The following RAI1 variants were observed in gnomAD, a reference collection of about 807,000 sequenced individuals.
RAI1 encodes retinoic acid induced 1, also known as retinoic acid-induced protein 1.
RAI1 carries 9 observed loss-of-function variants against 123.8 expected under a neutral mutation model. That is an observed-to-expected ratio of 0.07 (90% CI 0.04 to 0.13). The LOEUF (loss-of-function observed/expected upper bound fraction) is 0.13. RAI1 is among the 10% of genes least tolerant of loss of function. RAI1 has a pLI of 1.00. For synonymous variants in RAI1, 1,231 were observed against 1,127.3 expected, an observed-to-expected ratio of 1.09 and a Z score of -1.84; for missense variants, 2,256 against 2,545.8, an observed-to-expected ratio of 0.89 and a Z score of 2.45.
intron 2 of RAI1, among the ~76,000 whole-genome samples, chr17:17,724,877 C>A (rs1181696678): frequency 6.6e-6 from 1 of 152,120 alleles, no homozygotes; most frequent in Non-Finnish European, 1.5e-5. Context: ...TCAAACACTT[C>A]CCCTGGAGAC....
At chr17:17,710,140 A>G (rs1490635989) in intron 1 of RAI1, among the ~76,000 whole-genome samples, 1 of 152,210 alleles carries the variant, frequency 6.6e-6, no homozygotes, top group African/African-American at 2.4e-5. Context: ...GGTCACGTGC[A>G]CTTTCACACA....
intron 2 of RAI1, among the ~76,000 whole-genome samples, chr17:17,749,932 C>T (rs924505266): frequency 1.3e-5 from 2 of 152,246 alleles, no homozygotes; most frequent in African/African-American, 4.8e-5. Flanking sequence ...AGGGTAAGAT[C>T]AGCTGCAGCA....
chr17:17,808,742 T>G (rs2032648003), intron 4 of RAI1, among the ~76,000 whole-genome samples: 1 of 152,236 alleles, frequency 6.6e-6, no homozygotes, highest in Non-Finnish European at 1.5e-5. Flanking sequence ...CCACTGCTGC[T>G]GCCAAGATGG....
chr17:17,797,674 C>A lies in RAI1; in HGVS notation c.4726C>A (p.Arg1576Ser), dbSNP rs199790171. The change falls in exon 3 of 6, where the codon CGC becomes AGC. Residue 1576 changes from arginine (R) to serine (S), a missense_variant. This residue lies in a region of RAI1 where 410 missense variants were observed against 374.6 expected (regional missense o/e 1.09). Coordinates refer to ENST00000353383, the MANE Select transcript of RAI1 (RefSeq NM_030665.4). ...CCTGGATCCCGCAGAGCCTGAAATC[C>A]GCCTCAAGTACATTTCCTCTTGCAA... Reference protein sequence around the residue: ...LPLDPAEPEIRLKYISSCKRL... With the variant: ...LPLDPAEPEISLKYISSCKRL... 1 of 1,613,774 alleles carries A rather than the reference C, an allele frequency of 6.2e-7. No individual in the cohort carries two copies. Among genetic ancestry groups the A allele is most frequent in the Admixed American group, 1.7e-5 (1 of 60,032 alleles).
In RAI1 at chr17:17,797,797, C is replaced by T. The variant is rs767535015; in HGVS notation, c.4849C>T (p.Pro1617Ser). 27 of 1,613,950 alleles carry T rather than the reference C, an allele frequency of 1.7e-5. No individual in the cohort carries two copies. The highest frequency in any genetic ancestry group is 2.1e-5 in the Non-Finnish European group (25 of 1,180,034). The change falls in exon 3 of 6, where the codon CCT becomes TCT. Residue 1617 changes from proline to serine, a missense_variant. Physicochemically the swap from Pro to Ser is moderately conservative, Grantham distance 74 (BLOSUM62 -1). Transcript: ENST00000353383. ...CACCATATGCACTGTTGTCAACTCCCCTGGAGATGCGCCCAAGCCCCACAG... is the reference window on the plus strand; with the variant it reads ...CACCATATGCACTGTTGTCAACTCCTCTGGAGATGCGCCCAAGCCCCACAG... The part of the protein sequence containing the change: ...FTTICTVVNS[P>S]GDAPKPHRKP...
intron 1 of RAI1, among the ~76,000 whole-genome samples, chr17:17,699,648 T>G (rs1162298764): frequency 1.3e-5 from 2 of 149,330 alleles, no homozygotes; most frequent in South Asian, 2.1e-4. Flanking sequence ...GGGAATCAAA[T>G]GAATTGCCAG....
chr17:17,690,107 G>A lies in RAI1; in HGVS notation c.-149+8314G>A, dbSNP rs936292758. On this transcript the variant is annotated intron_variant, in intron 1 of 5. Transcript: ENST00000353383. ...TTTAGAAGGAATTTCATTCCTAGCC[G>A]GGCACCGTGGCTCACGCCTGCAATC... Among the ~76,000 whole-genome samples, 5 of 152,240 alleles carry A rather than the reference G, an allele frequency of 3.3e-5. No homozygotes were observed. In the South Asian group the frequency reaches 6.2e-4, roughly 19 times the overall value.
chr17:17,779,783 T>C (rs2031498494), intron 2 of RAI1, among the ~76,000 whole-genome samples: 2 of 150,638 alleles, frequency 1.3e-5, no homozygotes, highest in African/African-American at 4.9e-5. Flanking sequence ...TTTTTTTTTT[T>C]TTTTTTTTTA....
intron 2 of RAI1, among the ~76,000 whole-genome samples, chr17:17,760,988 G>A (rs1291300197): frequency 6.6e-6 from 1 of 152,246 alleles, no homozygotes; most frequent in Admixed American, 6.5e-5. Flanking sequence ...ATACTCAGGG[G>A]ATAGGCAGCT....
intron 2 of RAI1, among the ~76,000 whole-genome samples, chr17:17,762,202 C>T (rs1165109089): frequency 6.6e-6 from 1 of 152,044 alleles, no homozygotes; most frequent in Non-Finnish European, 1.5e-5. Flanking sequence ...GTGGTAAGAG[C>T]TAGGGACTAG....
intron 2 of RAI1, among the ~76,000 whole-genome samples, chr17:17,764,208 G>C (rs2030822452): frequency 2.0e-5 from 3 of 152,248 alleles, no homozygotes; most frequent in Admixed American, 2.0e-4. Flanking sequence ...ATTGAGTAGA[G>C]TAGGCTGCAG....
Position 17,794,925 on chromosome 17 carries a change from C to G in RAI1, c.1977C>G (p.Pro659=). 1 of 1,613,658 alleles carries G rather than the reference C, an allele frequency of 6.2e-7. No individual in the cohort carries two copies. Among genetic ancestry groups the G allele is most frequent in the Non-Finnish European group, 8.5e-7 (1 of 1,180,038 alleles). The change falls in exon 3 of 6, where the codon CCC becomes CCG. Residue 659 remains proline, a synonymous_variant. Transcript: ENST00000353383. Reference sequence around the variant, plus strand: ...ACTCTGTGGCCAAGAGTGCGTGGCCCCGGCCTGGGGAGCCGGAGGCCCTGC... The same window carrying G: ...ACTCTGTGGCCAAGAGTGCGTGGCCGCGGCCTGGGGAGCCGGAGGCCCTGC... ...CLDSVAKSAW[P]RPGEPEALPD...
At chr17:17,739,163 G>T (rs1475759666) in intron 2 of RAI1, among the ~76,000 whole-genome samples, 3 of 152,170 alleles carry the variant, frequency 2.0e-5, no homozygotes, top group Non-Finnish European at 4.4e-5. Flanking sequence ...GGGCAGCCAC[G>T]TGCCCAGTAA....
At chr17:17,712,239 G>A (rs534553620) in intron 1 of RAI1, among the ~76,000 whole-genome samples, 6 of 152,342 alleles carry the variant, frequency 3.9e-5, no homozygotes, top group African/African-American at 7.2e-5. Context: ...AACATGTGAC[G>A]GAGCTGCCAT....
chr17:17,737,618 C>T (rs1916477669), intron 2 of RAI1, among the ~76,000 whole-genome samples: 2 of 152,192 alleles, frequency 1.3e-5, no homozygotes, highest in Admixed American at 6.5e-5. Flanking sequence ...GCTCCCCAGC[C>T]CCCTCTGCCA....
intron 2 of RAI1, among the ~76,000 whole-genome samples, chr17:17,724,406 C>CTTTTT (rs771760855): frequency 2.3e-4 from 24 of 103,742 alleles, no homozygotes; most frequent in South Asian, 3.1e-4. Context: ...TCTTTCTTTC[C>CTTTTT]TTTTTTTTTT....
chr17:17,740,554 T>C (rs1916589682), intron 2 of RAI1, among the ~76,000 whole-genome samples: 1 of 152,154 alleles, frequency 6.6e-6, no homozygotes, highest in African/African-American at 2.4e-5. Flanking sequence ...CTAAGGTTGC[T>C]GTGTAGGGCA....
rs1325620750 is a variant in RAI1 at position 17,681,661 on chromosome 17, CG to C, written c.-279del. On this transcript the variant is annotated 5_prime_UTR_variant, in exon 1 of 6. Coordinates refer to ENST00000353383, the MANE Select transcript of RAI1 (RefSeq NM_030665.4). The stretch of plus-strand genomic sequence containing the variant: ...GCGCCGGCGCGAGGAGGGGGCGCCG[CG>C]GCCCACCCTCCTTCCTGCCTGGCCG... The C allele has an allele frequency of 4.0e-6, 1 of 250,162 alleles. No homozygotes were observed. The highest frequency in any genetic ancestry group is 7.6e-6 in the Non-Finnish European group (1 of 132,048). The allele number at this position is 250,162 out of a possible 1,614,324, so 15.5% of individuals were successfully genotyped here. A position where few individuals can be genotyped will look rare whatever the true frequency, so the allele number is the denominator to read the frequency against.
intron 1 of RAI1, among the ~76,000 whole-genome samples, chr17:17,718,065 C>T (rs1810979395): frequency 1.3e-5 from 2 of 152,140 alleles, no homozygotes; most frequent in South Asian, 4.1e-4. Flanking sequence ...TCGGTCTTGG[C>T]CCAGCACCAG....
Sources: allele counts gnomAD v4.1 joint callset (sites outside exome capture counted in the v4.1 genomes callset), GRCh38; gene constraint gnomAD v4.1.1; regional missense constraint gnomAD v4.1.1; transcripts MANE v1.5; gene names NCBI Gene and HGNC (gene_info 2026-07-23, HGNC 2026-07-21).